Variants in NUP43 observed in about 807,000 individuals in gnomAD.
NUP43 encodes the protein nucleoporin 43, also known as nucleoporin Nup43.
In NUP43, 32 loss-of-function variants were observed where a neutral mutation model predicts 47.3. That is an observed-to-expected ratio of 0.68 (90% CI 0.51 to 0.91). The LOEUF (loss-of-function observed/expected upper bound fraction) is 0.91. Ranked by LOEUF, NUP43 falls within the 40% of genes least tolerant of loss-of-function variation. The probability of loss-of-function intolerance (pLI) is 0.00; values close to 1 mark genes in which losing one functional copy is unlikely to be tolerated. For missense variants in NUP43, 444 were observed against 453.9 expected, an observed-to-expected ratio of 0.98 and a Z score of 0.20; for synonymous variants, 147 against 158.4, an observed-to-expected ratio of 0.93 and a Z score of 0.54.
intron 2 of NUP43, 119 bp from the exon 3 acceptor site, chr6:149,743,834 T>C (rs867822251): frequency 1.2e-5 from 7 of 602,876 alleles, no homozygotes; most frequent in Non-Finnish European, 2.9e-6. Flanking sequence ...CAAAGAGCCA[T>C]GAGTGCTAAG....
At chr6:149,729,575 C>A in intron 7 of NUP43, 1 of 967,318 alleles carries the variant, frequency 1.0e-6, no homozygotes, top group Middle Eastern at 5.3e-4. Context: ...GGGGTACTAA[C>A]AATTACTATT....
In NUP43 at chr6:149,746,049, G is replaced by A; in HGVS notation, c.134C>T (p.Ser45Leu). 1.9e-6 allele frequency: 3 copies of A among 1,612,956 alleles called. No individual in the cohort carries two copies. Among genetic ancestry groups the A allele is most frequent in the Non-Finnish European group, 2.5e-6 (3 of 1,179,708 alleles). The change falls in exon 2 of 8, where the codon TCA becomes TTA. Residue 45 changes from serine (S) to leucine (L), a missense_variant. Ser to Leu is a moderately radical substitution (Grantham distance 145). Transcript: ENST00000340413. ...GSWDNEENYI[S>L]LWSIGDFGNL... ...TCCAAAATCTCCAATAGACCACAGTGAAATATAATTTTCCTGTAAAACAGA... is the reference window on the plus strand; with the variant it reads ...TCCAAAATCTCCAATAGACCACAGTAAAATATAATTTTCCTGTAAAACAGA...
chr6:149,729,749 T>A (rs1445502926), intron 7 of NUP43, among the ~76,000 whole-genome samples: 1 of 152,166 alleles, frequency 6.6e-6, no homozygotes, highest in Non-Finnish European at 1.5e-5. Flanking sequence ...TTTTTTTAAC[T>A]ATTAGAATAT....
intron 6 of NUP43, among the ~76,000 whole-genome samples, chr6:149,734,479 T>G (rs894324926): frequency 6.6e-6 from 1 of 151,848 alleles, no homozygotes; most frequent in African/African-American, 2.4e-5. Context: ...CATTCCAACC[T>G]GGGTGAGAGA....
intron 5 of NUP43, among the ~76,000 whole-genome samples, chr6:149,736,884 T>C (rs1004747424): frequency 6.6e-6 from 1 of 152,020 alleles, no homozygotes; most frequent in African/African-American, 2.4e-5. Context: ...AGATGGGGTT[T>C]CTCCATGTTG....
At position 149,741,862 on chromosome 6, in the gene NUP43, T is replaced by C. The variant is rs148614576; in HGVS notation, c.502+528A>G. On this transcript the variant is annotated intron_variant, in intron 4 of 7. Transcript: ENST00000340413. The stretch of plus-strand genomic sequence containing the variant: ...ACTCTGATGGATGAAAGGAGTACAA[T>C]GATTTTTCTTTTTTTGAAACAGGGT... Among the ~76,000 whole-genome samples, 664 of 152,006 alleles carry C rather than the reference T, an allele frequency of 4.4e-3. 3 individuals are homozygous for C. The highest frequency in any genetic ancestry group is 0.015 in the African/African-American group (631 of 41,470).
intron 7 of NUP43, among the ~76,000 whole-genome samples, chr6:149,728,878 C>T (rs148527566): frequency 2.6e-5 from 4 of 152,308 alleles, no homozygotes; most frequent in Non-Finnish European, 4.4e-5. Context: ...GCCAAGTGGC[C>T]TCTTCTGACT....
chr6:149,737,955 T>C (rs1785452115), intron 5 of NUP43, among the ~76,000 whole-genome samples: 2 of 152,128 alleles, frequency 1.3e-5, no homozygotes, highest in South Asian at 4.1e-4. Context: ...CCTCCCAAAG[T>C]GCTGGGATTA....
chr6:149,749,129 G>A (rs376380457), upstream of NUP43, among the ~76,000 whole-genome samples: 3 of 151,520 alleles, frequency 2.0e-5, no homozygotes, highest in Admixed American at 6.6e-5. Context: ...CCACCCCCAT[G>A]TCCTGGTACT....
intron 5 of NUP43, among the ~76,000 whole-genome samples, chr6:149,737,600 T>C (rs1293620650): frequency 2.0e-5 from 3 of 151,918 alleles, no homozygotes; most frequent in African/African-American, 7.3e-5. Context: ...AGTGTCAACT[T>C]AGTGGCTGGA....
At chr6:149,746,650 T>C (rs774403694), upstream of NUP43, 70 of 1,570,826 alleles carry the variant, frequency 4.5e-5, 1 homozygote, top group Admixed American at 1.3e-3. Flanking sequence ...GTGGGCACAG[T>C]CAGTACCTAG....
chr6:149,743,215 A>G (rs1357799505), intron 3 of NUP43, among the ~76,000 whole-genome samples: 4 of 151,568 alleles, frequency 2.6e-5, no homozygotes, highest in Non-Finnish European at 4.4e-5. Context: ...TAAAATAAAT[A>G]AAATATTAAT....
In NUP43 at chr6:149,743,691, C is replaced by T. The variant is rs778155818; in HGVS notation, c.268G>A (p.Ala90Thr). The T allele has an allele frequency of 3.2e-5, 51 of 1,610,378 alleles. No homozygotes were observed. Among genetic ancestry groups the T allele is most frequent in the Admixed American group, 1.0e-4 (6 of 59,834 alleles). Residue 90 changes from alanine to threonine, a missense_variant, in exon 3 of 8, where the codon GCT becomes ACT. By Grantham distance (58) the Ala-to-Thr change is moderately conservative. Transcript: ENST00000340413. ...LQFFDQERIV[A>T]ASSTGCVTVF... ...GTTACACATCCTGTTGATGAAGCAG[C>T]GACAATTCTTTCCTGGTCAAAAAAC... is the stretch of plus-strand genomic sequence containing the variant.
chr6:149,728,734 G>C (rs1383061136), intron 7 of NUP43, among the ~76,000 whole-genome samples: 1 of 152,122 alleles, frequency 6.6e-6, no homozygotes, highest in Non-Finnish European at 1.5e-5. Context: ...CCTGCTGCCT[G>C]AGCTCCAACC....
At position 149,726,203 on chromosome 6, in the gene NUP43, C is replaced by G. The variant is rs1784783552; in HGVS notation, c.*766G>C. ...CGGGTGGATCATGAGGTCAAGAGATCGAGACCATCCTGGCCAACATGGTGA... is the reference window on the plus strand; with the variant it reads ...CGGGTGGATCATGAGGTCAAGAGATGGAGACCATCCTGGCCAACATGGTGA... On this transcript the variant is annotated 3_prime_UTR_variant, in exon 8 of 8. Transcript: ENST00000340413. 6.6e-6 allele frequency: 1 copy of G among 151,902 alleles called. No individual in the cohort carries two copies. 9.4% of individuals were successfully genotyped at this position (151,902 alleles called of 1,614,324 possible). A position where few individuals can be genotyped will look rare whatever the true frequency, so the allele number is the denominator to read the frequency against.
intron 5 of NUP43, among the ~76,000 whole-genome samples, chr6:149,737,304 GAGAC>G (rs1183285410): frequency 1.3e-5 from 2 of 151,340 alleles, no homozygotes; most frequent in Non-Finnish European, 2.9e-5. Flanking sequence ...AAAAAAAAGA[GAGAC>G]AGGGTCTTGT....
At chr6:149,740,186 G>A (rs1254713212) in intron 4 of NUP43, among the ~76,000 whole-genome samples, 1 of 147,640 alleles carries the variant, frequency 6.8e-6, no homozygotes, top group South Asian at 2.1e-4. Flanking sequence ...TGAGGTGGGA[G>A]GATCGCTTGA....
chr6:149,728,112 C>T, intron 7 of NUP43: 1 of 985,340 alleles, frequency 1.0e-6, no homozygotes, highest in Non-Finnish European at 1.2e-6. Flanking sequence ...ACCCTCAGCA[C>T]TTGTATGTAC....
At chr6:149,729,708 T>C (rs1433360721) in intron 7 of NUP43, among the ~76,000 whole-genome samples, 3 of 152,178 alleles carry the variant, frequency 2.0e-5, no homozygotes, top group African/African-American at 7.2e-5. Flanking sequence ...TTTCTGACAT[T>C]CTAATTGGAC....
Sources: gnomAD v4.1 joint callset for allele counts (sites outside exome capture counted in the v4.1 genomes callset) on GRCh38, gnomAD v4.1.1 for gene constraint, MANE v1.5 for transcripts, NCBI Gene and HGNC (gene_info 2026-07-23, HGNC 2026-07-21) for gene names.